NEURL1: variants seen among roughly 807,000 people sequenced by gnomAD.
NEURL1 encodes neuralized E3 ubiquitin protein ligase 1.
A neutral mutation model predicts 41.2 loss-of-function variants in NEURL1; 26 were observed. The ratio of observed to expected loss-of-function variants is 0.63; its 90% CI spans 0.46 to 0.87. The LOEUF is 0.87. NEURL1 is among the 40% of genes least tolerant of loss of function. NEURL1 has a pLI of 0.00. For missense variants in NEURL1, 761 were observed against 871.1 expected, an observed-to-expected ratio of 0.87 and a Z score of 1.59; for synonymous variants, 400 against 402.3, an observed-to-expected ratio of 0.99 and a Z score of 0.07.
chr10:103,583,464 G>C (rs1040554192), intron 3 of NEURL1, among the ~76,000 whole-genome samples: 3 of 151,788 alleles, frequency 2.0e-5, no homozygotes, highest in African/African-American at 7.3e-5. Context: ...ACTTCTAATC[G>C]TAGCACTTTG....
intron 1 of NEURL1, among the ~76,000 whole-genome samples, chr10:103,501,345 G>A (rs2033817609): frequency 6.6e-6 from 1 of 152,154 alleles, no homozygotes; most frequent in Non-Finnish European, 1.5e-5. Flanking sequence ...GTTCACAGAG[G>A]CTGTCAGCCT....
At chr10:103,528,874 G>T (rs2034516024) in intron 1 of NEURL1, among the ~76,000 whole-genome samples, 1 of 152,190 alleles carries the variant, frequency 6.6e-6, no homozygotes, top group South Asian at 2.1e-4. Context: ...CTGGGCAAGT[G>T]TTGGAACCAA....
chr10:103,516,254 A>G (rs529356525), intron 1 of NEURL1, among the ~76,000 whole-genome samples: 1 of 151,188 alleles, frequency 6.6e-6, no homozygotes, highest in Admixed American at 6.6e-5. Flanking sequence ...AGAAAAGAAA[A>G]AAATAAAAGG....
chr10:103,541,257 A>G (rs895979874), intron 1 of NEURL1, among the ~76,000 whole-genome samples: 2 of 152,176 alleles, frequency 1.3e-5, no homozygotes, highest in South Asian at 2.1e-4. Context: ...TTAAACATAC[A>G]TACATACATG....
chr10:103,588,942 G>GAAAA, intron 4 of NEURL1: 119 of 318,960 alleles, frequency 3.7e-4, no homozygotes, highest in East Asian at 5.5e-4. Flanking sequence ...GACTCCGTCT[G>GAAAA]AAAAAAAAAA....
intron 1 of NEURL1, among the ~76,000 whole-genome samples, chr10:103,539,969 A>G (rs1275011773): frequency 6.6e-6 from 1 of 152,188 alleles, no homozygotes; most frequent in Non-Finnish European, 1.5e-5. Flanking sequence ...GCAACCTTGC[A>G]ATGTTATGTG....
At chr10:103,543,353 G>A (rs534253780) in intron 1 of NEURL1, among the ~76,000 whole-genome samples, 57 of 152,306 alleles carry the variant, frequency 3.7e-4, no homozygotes, top group African/African-American at 1.3e-3. Flanking sequence ...AACAAGGAGG[G>A]CCCCCACTGG....
At chr10:103,514,367 C>A (rs2034147950) in intron 1 of NEURL1, among the ~76,000 whole-genome samples, 1 of 152,094 alleles carries the variant, frequency 6.6e-6, no homozygotes, top group Non-Finnish European at 1.5e-5. Context: ...GTGTTTCTTA[C>A]CTGCCATGGA....
Position 103,590,416 on chromosome 10 carries a change from C to A in NEURL1, c.*44C>A. On this transcript the variant is annotated 3_prime_UTR_variant, in exon 6 of 6. Transcript: ENST00000369780. The stretch of plus-strand genomic sequence containing the variant: ...CCCGCATACCCATCTTCTCGGGCTT[C>A]AGCCCAGTCCCAGCTGAGGAACAAG... 1.3e-6 allele frequency: 2 copies of A among 1,522,710 alleles called. No individual in the cohort carries two copies. Among genetic ancestry groups the A allele is most frequent in the Non-Finnish European group, 1.8e-6 (2 of 1,099,544 alleles). 94.3% of individuals were successfully genotyped at this position (1,522,710 alleles called of 1,614,324 possible).
intron 1 of NEURL1, chr10:103,555,339 G>A: frequency 2.3e-6 from 3 of 1,305,668 alleles, no homozygotes; most frequent in East Asian, 5.7e-5. Context: ...GTGACCAGCC[G>A]GCCGGCCCAG....
chr10:103,578,584 T>A (rs2035716246), intron 3 of NEURL1, among the ~76,000 whole-genome samples: 1 of 152,168 alleles, frequency 6.6e-6, no homozygotes, highest in Admixed American at 6.5e-5. Flanking sequence ...CACTGCTTTT[T>A]AAAAAAGTTT....
chr10:103,589,782 G>A, intron 5 of NEURL1, 122 bp downstream of exon 5: 1 of 1,365,346 alleles, frequency 7.3e-7, no homozygotes, highest in South Asian at 1.4e-5. Flanking sequence ...CCCTTGTTGG[G>A]GGGTGATTTC....
At chr10:103,527,029 A>G (rs1374949188) in intron 1 of NEURL1, among the ~76,000 whole-genome samples, 5 of 151,472 alleles carry the variant, frequency 3.3e-5, no homozygotes, top group Non-Finnish European at 7.4e-5. Context: ...CTGGTTGGCT[A>G]TTTTTATGGT....
chr10:103,514,911 G>A (rs2034164132), intron 1 of NEURL1, among the ~76,000 whole-genome samples: 1 of 152,022 alleles, frequency 6.6e-6, no homozygotes. Flanking sequence ...CCACCCTGTG[G>A]CCTTAGTTCT....
chr10:103,576,805 G>A (rs191903665), intron 3 of NEURL1, among the ~76,000 whole-genome samples: 43 of 152,258 alleles, frequency 2.8e-4, no homozygotes, highest in Middle Eastern at 3.4e-3. Context: ...AAAGACCCAC[G>A]CCTGCCTACT....
chr10:103,502,270 T>G (rs1469000814), intron 1 of NEURL1, among the ~76,000 whole-genome samples: 1 of 152,200 alleles, frequency 6.6e-6, no homozygotes, highest in Non-Finnish European at 1.5e-5. Context: ...CTTAGTCGGC[T>G]TGTTCTGCCA....
At chr10:103,518,942 T>C (rs2034280252) in intron 1 of NEURL1, among the ~76,000 whole-genome samples, 1 of 152,162 alleles carries the variant, frequency 6.6e-6, no homozygotes, top group Non-Finnish European at 1.5e-5. Context: ...TAAGCACATA[T>C]TGCTTTTACA....
chr10:103,540,225 A>T (rs950527315), intron 1 of NEURL1, among the ~76,000 whole-genome samples: 1 of 152,196 alleles, frequency 6.6e-6, no homozygotes, highest in African/African-American at 2.4e-5. Context: ...TATCATTGAG[A>T]TCATAATGTG....
At chr10:103,555,369 C>A in intron 1 of NEURL1, 1 of 1,355,808 alleles carries the variant, frequency 7.4e-7, no homozygotes, top group African/African-American at 1.5e-5. Flanking sequence ...CTGCACTGCC[C>A]GTCGCCGGAG....
Sources: gnomAD v4.1 joint callset for allele counts (sites outside exome capture counted in the v4.1 genomes callset) on GRCh38, gnomAD v4.1.1 for gene constraint, MANE v1.5 for transcripts, NCBI Gene and HGNC (gene_info 2026-07-23, HGNC 2026-07-21) for gene names.